ESRRG: variants seen among roughly 807,000 people sequenced by gnomAD.
ESRRG encodes estrogen-related receptor gamma.
A neutral mutation model predicts 44.0 loss-of-function variants in ESRRG; 13 were observed. The ratio of observed to expected loss-of-function variants is 0.30; its 90% confidence interval spans 0.19 to 0.47. The LOEUF is 0.47. Ranked by LOEUF, ESRRG falls within the 20% of genes least tolerant of loss-of-function variation. The pLI is 1.00. For missense variants in ESRRG, 395 were observed against 580.6 expected (o/e 0.68, Z 3.29); for synonymous variants, 215 against 214.6 (o/e 1.00, Z -0.02).
intron 5 of ESRRG, among the ~76,000 whole-genome samples, chr1:216,548,964 A>G (rs1361266599): frequency 1.3e-5 from 2 of 152,156 alleles, no homozygotes; most frequent in Non-Finnish European, 2.9e-5. Context: ...CTCCATGCAA[A>G]TAAGGGACCT....
intron 2 of ESRRG, among the ~76,000 whole-genome samples, chr1:216,667,708 A>G (rs1043342563): frequency 5.7e-5 from 8 of 140,166 alleles, no homozygotes; most frequent in Non-Finnish European, 1.1e-4. Context: ...AAAAAAAAAA[A>G]AGATAGAACG....
chr1:217,021,568 C>G (rs2150925301), intron 1 of ESRRG, among the ~76,000 whole-genome samples: 1 of 152,270 alleles, frequency 6.6e-6, no homozygotes. Context: ...AGGCTTGTTG[C>G]CATGCTTAAT....
At chr1:217,028,607 A>G (rs946570964) in intron 1 of ESRRG, among the ~76,000 whole-genome samples, 3 of 152,230 alleles carry the variant, frequency 2.0e-5, no homozygotes, top group African/African-American at 7.2e-5. Context: ...TTAGGAGTCC[A>G]CCATCACTAT....
intron 2 of ESRRG, among the ~76,000 whole-genome samples, chr1:216,937,730 G>A (rs2064389477): frequency 6.6e-6 from 1 of 152,142 alleles, no homozygotes; most frequent in Non-Finnish European, 1.5e-5. Flanking sequence ...CCAGGCTGGG[G>A]ACCTGAAACC....
intron 2 of ESRRG, among the ~76,000 whole-genome samples, chr1:216,823,681 A>T (rs573266019): frequency 2.6e-5 from 4 of 152,282 alleles, no homozygotes; most frequent in African/African-American, 9.6e-5. Context: ...AGGTTTTCTA[A>T]TTCGACAGAA....
chr1:216,856,352 AACACACACACACACACACACAC>A (rs5780935), intron 2 of ESRRG, among the ~76,000 whole-genome samples: 2 of 141,980 alleles, frequency 1.4e-5, no homozygotes, highest in Non-Finnish European at 1.5e-5. Context: ...TTCTCTCTTC[AACACACACACACACACACACAC>A]ACACACACAC....
intron 2 of ESRRG, 94 bp downstream of exon 2, chr1:216,676,982 T>C (rs1484320602): frequency 5.8e-6 from 5 of 861,760 alleles, no homozygotes; most frequent in Non-Finnish European, 1.8e-6. Flanking sequence ...ATTAAAACTA[T>C]GATACTTGAC....
chr1:217,056,270 T>A (rs2151297174), intron 1 of ESRRG, among the ~76,000 whole-genome samples: 1 of 152,122 alleles, frequency 6.6e-6, no homozygotes, highest in South Asian at 2.1e-4. Context: ...AGGATTAGGG[T>A]GTTTGTTAGC....
chr1:216,557,039 G>A (rs1183444557), intron 5 of ESRRG, among the ~76,000 whole-genome samples: 3 of 152,138 alleles, frequency 2.0e-5, no homozygotes, highest in Non-Finnish European at 4.4e-5. Context: ...TAATTGCCCA[G>A]TGATCTGAAG....
intron 3 of ESRRG, among the ~76,000 whole-genome samples, chr1:216,646,873 A>G (rs775638768): frequency 2.4e-4 from 37 of 152,170 alleles, no homozygotes; most frequent in Non-Finnish European, 4.3e-4. Context: ...TAAAGAATAT[A>G]ATGTGCGTGA....
chr1:216,753,871 C>T (rs1385258199), intron 2 of ESRRG, among the ~76,000 whole-genome samples: 1 of 151,970 alleles, frequency 6.6e-6, no homozygotes, highest in Non-Finnish European at 1.5e-5. Flanking sequence ...GGTGTGCATG[C>T]ATTGTCTACA....
At chr1:216,710,650 G>C (rs940129173) in intron 1 of ESRRG, among the ~76,000 whole-genome samples, 8 of 152,122 alleles carry the variant, frequency 5.3e-5, no homozygotes, top group Non-Finnish European at 1.2e-4. Context: ...AATACTCCAT[G>C]GCTAACCTTT....
intron 1 of ESRRG, among the ~76,000 whole-genome samples, chr1:217,026,461 T>C (rs2081189263): frequency 1.3e-5 from 2 of 152,212 alleles, no homozygotes; most frequent in Admixed American, 1.3e-4. Flanking sequence ...CTCAAGGTGA[T>C]TCACTTCTTC....
rs568169942 is a variant in ESRRG, at chr1:216,732,520, G to A, written c.-13-55029C>T. On this transcript the variant is annotated intron_variant, in intron 2 of 7. Transcript: ENST00000359162. ...GCCTCCAGAGTAGCTGAGACTACAGGTGCCCACCACCACACCCGGCTAATT... is the reference window on the plus strand; with the variant it reads ...GCCTCCAGAGTAGCTGAGACTACAGATGCCCACCACCACACCCGGCTAATT... Among the ~76,000 whole-genome samples, 48 of 151,868 alleles carry A rather than the reference G, an allele frequency of 3.2e-4. No homozygotes were observed. The South Asian group carries it at 9.4e-3, about 30-fold the overall frequency.
intron 2 of ESRRG, among the ~76,000 whole-genome samples, chr1:216,915,800 T>A (rs1289319929): frequency 5.3e-5 from 8 of 152,212 alleles, no homozygotes. Flanking sequence ...GCTTGCTGTG[T>A]GCACCAGAAG....
intron 5 of ESRRG, among the ~76,000 whole-genome samples, chr1:216,560,715 A>G (rs977676208): frequency 1.3e-5 from 2 of 152,188 alleles, no homozygotes; most frequent in African/African-American, 4.8e-5. Context: ...AAGGCCAACA[A>G]TGGAGAGGGA....
Position 216,658,432 on chromosome 1 carries a change from A to C in ESRRG, c.473-7343T>G, listed in dbSNP as rs77433389. ...ATTGTGCATGTTCATTTTAGGACAAAATTTTTGTATGTCCATTCTATGTCA... is the reference window on the plus strand; with the variant it reads ...ATTGTGCATGTTCATTTTAGGACAACATTTTTGTATGTCCATTCTATGTCA... On this transcript the variant is annotated intron_variant, in intron 2 of 6. Transcript: ENST00000408911. 6.5e-3 allele frequency among the ~76,000 whole-genome samples: 983 copies of C among 152,134 alleles called. 7 individuals are homozygous for C. Among genetic ancestry groups the C allele is most frequent in the African/African-American group, 0.022 (899 of 41,518 alleles).
intron 2 of ESRRG, among the ~76,000 whole-genome samples, chr1:216,776,908 T>C (rs1559592387): frequency 6.6e-6 from 1 of 152,152 alleles, no homozygotes; most frequent in Non-Finnish European, 1.5e-5. Flanking sequence ...CCATTGGGTA[T>C]AGCATGTGCT....
At chr1:216,827,608 A>G (rs994620628) in intron 2 of ESRRG, among the ~76,000 whole-genome samples, 1 of 152,230 alleles carries the variant, frequency 6.6e-6, no homozygotes, top group Non-Finnish European at 1.5e-5. Context: ...AACTTATTTC[A>G]TGTAATTCAT....
Sources: allele counts gnomAD v4.1 joint callset (sites outside exome capture counted in the v4.1 genomes callset), GRCh38; gene constraint gnomAD v4.1.1; transcripts MANE v1.5; gene names NCBI Gene and HGNC (gene_info 2026-07-23, HGNC 2026-07-21).